Variants in TRIO observed in about 807,000 individuals in gnomAD.
TRIO encodes the protein triple functional domain protein.
In TRIO, 58 loss-of-function variants were observed where a neutral mutation model predicts 351.9. The observed-to-expected ratio is 0.16, with a 90% CI of 0.13 to 0.21. TRIO has a LOEUF of 0.21. TRIO is among the 10% of genes least tolerant of loss of function. The pLI, the probability that TRIO is intolerant of heterozygous loss-of-function variation, is 1.00. For synonymous variants in TRIO, 1,758 were observed against 1,595.7 expected, an observed-to-expected ratio of 1.10 and a Z score of -2.42; for missense variants, 3,201 against 4,027.8, an observed-to-expected ratio of 0.79 and a Z score of 5.56.
chr5:14,173,642 A>C (rs886384910), intron 1 of TRIO, among the ~76,000 whole-genome samples: 4 of 152,194 alleles, frequency 2.6e-5, no homozygotes, highest in African/African-American at 9.6e-5. Context: ...ATCAGGAATA[A>C]TTAGATAAGG....
intron 34 of TRIO, among the ~76,000 whole-genome samples, chr5:14,426,931 G>A (rs921654713): frequency 5.3e-5 from 8 of 152,170 alleles, no homozygotes; most frequent in African/African-American, 1.4e-4. Context: ...TGCTGGGACC[G>A]TTACTCAGAG....
rs115163588 is a variant in TRIO, at chr5:14,176,930, G to T, written c.157+33048G>T. On this transcript the variant is annotated intron_variant, in intron 1 of 56. Transcript: ENST00000344204. The stretch of plus-strand genomic sequence containing the variant: ...TAAATATTTTATGCACATATTACAG[G>T]GTTGATAATATTATAATAGATTCAT... 5.6e-3 allele frequency among the ~76,000 whole-genome samples: 849 copies of T among 152,164 alleles called. 7 individuals carry two copies. The highest frequency in any genetic ancestry group is 0.019 in the African/African-American group (783 of 41,496).
intron 1 of TRIO, among the ~76,000 whole-genome samples, chr5:14,193,260 A>G (rs1790559256): frequency 6.6e-6 from 1 of 152,146 alleles, no homozygotes; most frequent in African/African-American, 2.4e-5. Context: ...GCAATTAAAA[A>G]GCAGTATTAT....
chr5:14,149,579 G>A (rs1383761817), intron 1 of TRIO, among the ~76,000 whole-genome samples: 1 of 152,118 alleles, frequency 6.6e-6, no homozygotes. Flanking sequence ...ACGAGCGGGG[G>A]GCAGAGGGCA....
chr5:14,224,537 A>G (rs893615640), intron 1 of TRIO, among the ~76,000 whole-genome samples: 2 of 152,164 alleles, frequency 1.3e-5, no homozygotes, highest in African/African-American at 2.4e-5. Context: ...ATTTTAAAGC[A>G]TGGAGACTAG....
At chr5:14,165,670 C>G (rs559177403) in intron 1 of TRIO, among the ~76,000 whole-genome samples, 44 of 152,276 alleles carry the variant, frequency 2.9e-4, no homozygotes, top group Non-Finnish European at 5.6e-4. Context: ...AGTGACTCAT[C>G]CTGAGGTCAT....
chr5:14,264,807 T>G (rs1408206832), intron 1 of TRIO, among the ~76,000 whole-genome samples: 1 of 152,226 alleles, frequency 6.6e-6, no homozygotes, highest in African/African-American at 2.4e-5. Flanking sequence ...GAGGGTGACG[T>G]CACCTCCCTC....
At chr5:14,166,451 G>T (rs1194711904) in intron 1 of TRIO, among the ~76,000 whole-genome samples, 2 of 152,198 alleles carry the variant, frequency 1.3e-5, no homozygotes, top group African/African-American at 4.8e-5. Flanking sequence ...TAATTTCGGG[G>T]TAATTTAATC....
chr5:14,401,617 G>A (rs991157687), intron 31 of TRIO, among the ~76,000 whole-genome samples: 4 of 152,192 alleles, frequency 2.6e-5, no homozygotes, highest in Non-Finnish European at 1.5e-5. Flanking sequence ...CACTAGGGAT[G>A]CTTTAGGGTA....
At chr5:14,248,776 C>T (rs1015585471) in intron 1 of TRIO, among the ~76,000 whole-genome samples, 1 of 152,348 alleles carries the variant, frequency 6.6e-6, no homozygotes, top group South Asian at 2.1e-4. Flanking sequence ...CAGTGCTTTA[C>T]AGACTTCTCC....
At chr5:14,222,826 A>C (rs979895491) in intron 1 of TRIO, among the ~76,000 whole-genome samples, 1 of 152,186 alleles carries the variant, frequency 6.6e-6, no homozygotes, top group African/African-American at 2.4e-5. Flanking sequence ...GTGACTTCTA[A>C]CATCGCAGAG....
At chr5:14,442,031 T>C (rs1449517166) in intron 34 of TRIO, among the ~76,000 whole-genome samples, 1 of 151,902 alleles carries the variant, frequency 6.6e-6, no homozygotes, top group Non-Finnish European at 1.5e-5. Flanking sequence ...GTGAGGGGAG[T>C]TGGGTCTGCA....
intron 23 of TRIO, among the ~76,000 whole-genome samples, chr5:14,388,293 G>T (rs80307965): frequency 0.039 from 5,870 of 152,242 alleles, 368 homozygotes; most frequent in African/African-American, 0.13. Flanking sequence ...AGGGAGTGCT[G>T]TTGGCCTCTA....
intron 1 of TRIO, among the ~76,000 whole-genome samples, chr5:14,147,875 C>A (rs887676381): frequency 6.6e-6 from 1 of 152,136 alleles, no homozygotes; most frequent in African/African-American, 2.4e-5. Flanking sequence ...AAAGTGGGTC[C>A]TTGTTACCCT....
intron 18 of TRIO, among the ~76,000 whole-genome samples, chr5:14,373,696 G>A (rs1025807756): frequency 1.3e-5 from 2 of 152,190 alleles, no homozygotes; most frequent in South Asian, 4.1e-4. Flanking sequence ...TCTGAACTGA[G>A]GGCTAAGTTG....
At chr5:14,289,371 G>A (rs1736715151) in intron 4 of TRIO, among the ~76,000 whole-genome samples, 1 of 151,916 alleles carries the variant, frequency 6.6e-6, no homozygotes, top group African/African-American at 2.4e-5. Flanking sequence ...GGCAACAAGA[G>A]CAAAACCCTG....
intron 10 of TRIO, 92 bp downstream of exon 10, chr5:14,330,992 T>C: frequency 3.2e-6 from 5 of 1,565,410 alleles, no homozygotes; most frequent in Middle Eastern, 1.7e-4. Context: ...TAAGTTAGCA[T>C]TAGCTCGATG....
At chr5:14,397,697 C>G (rs562465923) in intron 29 of TRIO, among the ~76,000 whole-genome samples, 1 of 152,176 alleles carries the variant, frequency 6.6e-6, no homozygotes, top group East Asian at 1.9e-4. Context: ...TGGTTCTTGC[C>G]AGGCTACACA....
chr5:14,361,593 C>T (rs1744156641), intron 13 of TRIO, among the ~76,000 whole-genome samples: 1 of 152,138 alleles, frequency 6.6e-6, no homozygotes, highest in African/African-American at 2.4e-5. Flanking sequence ...GGAGTTATGT[C>T]GATGGTAGAA....
Sources: allele counts gnomAD v4.1 joint callset (sites outside exome capture counted in the v4.1 genomes callset), GRCh38; gene constraint gnomAD v4.1.1; transcripts MANE v1.5; gene names NCBI Gene and HGNC (gene_info 2026-07-23, HGNC 2026-07-21).